ADIPOR2: variants seen among roughly 807,000 people sequenced by gnomAD.
ADIPOR2 encodes adiponectin receptor 2.
ADIPOR2 carries 18 observed loss-of-function variants against 40.9 expected under a neutral mutation model. That is an observed-to-expected ratio of 0.44 (90% CI 0.30 to 0.65). The LOEUF (loss-of-function observed/expected upper bound fraction) is 0.65. Ranked by LOEUF, ADIPOR2 falls within the 30% of genes least tolerant of loss-of-function variation. The pLI is 0.09. For missense variants in ADIPOR2, 283 were observed against 479.2 expected, an observed-to-expected ratio of 0.59 and a Z score of 3.82; for synonymous variants, 165 against 166.4, an observed-to-expected ratio of 0.99 and a Z score of 0.06.
intron 7 of ADIPOR2, among the ~76,000 whole-genome samples, chr12:1,785,269 C>T (rs1862803428): frequency 6.6e-6 from 1 of 152,186 alleles, no homozygotes; most frequent in Non-Finnish European, 1.5e-5. Context: ...TAGCATTCAA[C>T]AGAACAGGTA....
intron 1 of ADIPOR2, among the ~76,000 whole-genome samples, chr12:1,729,739 C>G (rs770620155): frequency 4.7e-4 from 70 of 149,672 alleles, no homozygotes; most frequent in Non-Finnish European, 8.3e-4. Context: ...AAAGCCCTCT[C>G]TTAATCTCCT....
chr12:1,752,680 A>G (rs1346280769), intron 1 of ADIPOR2, among the ~76,000 whole-genome samples: 2 of 152,146 alleles, frequency 1.3e-5, no homozygotes, highest in African/African-American at 2.4e-5. Flanking sequence ...GGAGGATAAT[A>G]ATACCTCAGA....
At chr12:1,727,085 C>T (rs1360756902) in intron 1 of ADIPOR2, among the ~76,000 whole-genome samples, 1 of 152,196 alleles carries the variant, frequency 6.6e-6, no homozygotes, top group African/African-American at 2.4e-5. Context: ...TTTCTTTGCA[C>T]AGAATACCTT....
chr12:1,774,305 A>C (rs1862543363), intron 3 of ADIPOR2, among the ~76,000 whole-genome samples: 1 of 152,256 alleles, frequency 6.6e-6, no homozygotes, highest in African/African-American at 2.4e-5. Context: ...ATTTAACAGC[A>C]AATCAGAGAA....
chr12:1,743,698 A>G (rs1325073294), intron 1 of ADIPOR2, among the ~76,000 whole-genome samples: 1 of 152,114 alleles, frequency 6.6e-6, no homozygotes, highest in Non-Finnish European at 1.5e-5. Flanking sequence ...CATACAACTC[A>G]AATTTCCAGG....
chr12:1,691,936 G>T (rs1011756619), intron 1 of ADIPOR2, among the ~76,000 whole-genome samples: 3 of 152,144 alleles, frequency 2.0e-5, no homozygotes, highest in Non-Finnish European at 4.4e-5. Flanking sequence ...TTGGTAGAAA[G>T]ATTTAAATGC....
chr12:1,710,428 C>A (rs1345178126), intron 1 of ADIPOR2, among the ~76,000 whole-genome samples: 1 of 152,126 alleles, frequency 6.6e-6, no homozygotes, highest in Non-Finnish European at 1.5e-5. Context: ...ACTCTGGACA[C>A]ATCTTGGTGA....
At chr12:1,757,631 C>T in intron 2 of ADIPOR2, 1 of 1,301,736 alleles carries the variant, frequency 7.7e-7, no homozygotes. Flanking sequence ...CCTTTTGTGC[C>T]CCCAGAGATT....
At chr12:1,774,866 GGCT>G (rs1862556445) in intron 3 of ADIPOR2, among the ~76,000 whole-genome samples, 2 of 151,364 alleles carry the variant, frequency 1.3e-5, no homozygotes, top group Non-Finnish European at 2.9e-5. Flanking sequence ...CACCATGCCC[GGCT>G]AATTTTTGTA....
At chr12:1,778,789 T>A (rs146723089) in intron 4 of ADIPOR2, among the ~76,000 whole-genome samples, 1 of 152,290 alleles carries the variant, frequency 6.6e-6, no homozygotes, top group African/African-American at 2.4e-5. Flanking sequence ...AATCAGCTAG[T>A]TGGTAAGGAT....
chr12:1,763,845 G>A (rs1394523643), intron 2 of ADIPOR2, among the ~76,000 whole-genome samples: 3 of 152,208 alleles, frequency 2.0e-5, no homozygotes, highest in Non-Finnish European at 4.4e-5. Context: ...CGGGCCTGGT[G>A]GCATGTACCT....
At chr12:1,754,699 T>TTACTACTAC (rs59598626) in intron 2 of ADIPOR2, among the ~76,000 whole-genome samples, 185 bp downstream of exon 2, 3,646 of 103,476 alleles carry the variant, frequency 0.035, 47 homozygotes, top group East Asian at 0.053. Flanking sequence ...ATTATTATTA[T>TTACTACTAC]TACTACTACT....
At chr12:1,784,598 T>A (rs1862791441) in intron 7 of ADIPOR2, among the ~76,000 whole-genome samples, 1 of 152,218 alleles carries the variant, frequency 6.6e-6, no homozygotes, top group Non-Finnish European at 1.5e-5. Flanking sequence ...TCTTTTTTTA[T>A]ACCGAAATTT....
intron 2 of ADIPOR2, among the ~76,000 whole-genome samples, chr12:1,764,838 GAA>G (rs1405161347): frequency 6.6e-6 from 1 of 152,076 alleles, no homozygotes; most frequent in Non-Finnish European, 1.5e-5. Flanking sequence ...TGATGTTTGT[GAA>G]ATTCATCTGT....
chr12:1,751,212 T>C (rs1436762351), intron 1 of ADIPOR2, among the ~76,000 whole-genome samples: 2 of 152,192 alleles, frequency 1.3e-5, no homozygotes, highest in African/African-American at 4.8e-5. Flanking sequence ...AGTTCTACTG[T>C]TGAAAGTCAA....
At position 1,786,119 on chromosome 12, in the gene ADIPOR2, C is replaced by T. The variant is rs966453387; in HGVS notation, c.*47C>T. Reference sequence around the variant, plus strand: ...TATGACCCTAAACCAGGGCCTGCGGCACTTGCGGGCCTCCCTGCTGGCTAC... The same window carrying T: ...TATGACCCTAAACCAGGGCCTGCGGTACTTGCGGGCCTCCCTGCTGGCTAC... On this transcript the variant is annotated 3_prime_UTR_variant, in exon 8 of 8. Transcript: ENST00000357103. The T allele has an allele frequency of 6.3e-7, 1 of 1,586,894 alleles. No individual in the cohort carries two copies. The highest frequency in any genetic ancestry group is 2.2e-5 in the East Asian group (1 of 44,680).
chr12:1,737,592 T>C (rs932595844), intron 1 of ADIPOR2, among the ~76,000 whole-genome samples: 6 of 152,196 alleles, frequency 3.9e-5, no homozygotes, highest in African/African-American at 1.4e-4. Flanking sequence ...ACTGTTTATA[T>C]ATTTTTTGGA....
chr12:1,713,621 C>T (rs1484888660), intron 1 of ADIPOR2, among the ~76,000 whole-genome samples: 4 of 151,896 alleles, frequency 2.6e-5, no homozygotes, highest in Admixed American at 6.6e-5. Flanking sequence ...ACTTGTTCCC[C>T]ATATTCATGT....
At position 1,772,872 on chromosome 12, in the gene ADIPOR2, G is replaced by A. The variant is rs1229009753; in HGVS notation, c.202G>A (p.Ala68Thr). 1.2e-6 allele frequency: 2 copies of A among 1,613,162 alleles called. No homozygotes were observed. Among genetic ancestry groups the A allele is most frequent in the South Asian group, 1.1e-5 (1 of 90,770 alleles). ...TGAGGAACATGAATACAGTGATGAA[G>A]CTCCTCAGGAAGATGAGGGCTTTAT... ...SSEEHEYSDE[A>T]PQEDEGFMGM... is the part of the protein sequence containing the mutation. Residue 68 changes from alanine to threonine, a missense_variant, in exon 3 of 8, where the codon GCT (alanine) becomes ACT (threonine). Transcript: ENST00000357103.
Sources: gnomAD v4.1 joint callset for allele counts (sites outside exome capture counted in the v4.1 genomes callset) on GRCh38, gnomAD v4.1.1 for gene constraint, MANE v1.5 for transcripts, NCBI Gene and HGNC (gene_info 2026-07-23, HGNC 2026-07-21) for gene names.